Variants in EPB41L3 observed in about 807,000 individuals in gnomAD.
The protein encoded by EPB41L3 is erythrocyte membrane protein band 4.1 like 3, also known as band 4.1-like protein 3.
EPB41L3 carries 57 observed loss-of-function variants against 127.1 expected under a neutral mutation model. That is an observed-to-expected ratio of 0.45 (90% CI 0.36 to 0.56). EPB41L3 has a LOEUF of 0.56. Among genes scored for constraint, EPB41L3 ranks in the 20% least tolerant of loss-of-function variants. The pLI, the probability that EPB41L3 is intolerant of heterozygous loss-of-function variation, is 0.00. For missense variants in EPB41L3, 1,273 were observed against 1,372.2 expected, an observed-to-expected ratio of 0.93 and a Z score of 1.14; for synonymous variants, 572 against 549.5, an observed-to-expected ratio of 1.04 and a Z score of -0.57.
chr18:5,413,366 C>T (rs780233551), intron 13 of EPB41L3, among the ~76,000 whole-genome samples: 1 of 152,086 alleles, frequency 6.6e-6, no homozygotes, highest in African/African-American at 2.4e-5. Context: ...CATGACTGGT[C>T]AACAGCTTTA....
intron 1 of EPB41L3, among the ~76,000 whole-genome samples, chr18:5,536,516 A>G (rs936436520): frequency 6.9e-6 from 1 of 144,926 alleles, no homozygotes; most frequent in African/African-American, 2.6e-5. Context: ...AAAAAAAAAA[A>G]TTTGGCCTGG....
chr18:5,392,482 T>G lies in EPB41L3; in HGVS notation c.*1003A>C, dbSNP rs535934864. The G allele has an allele frequency of 6.5e-6, 1 of 152,758 alleles. No homozygotes were observed. The highest frequency in any genetic ancestry group is 1.5e-5 in the Non-Finnish European group (1 of 68,020). 9.5% of individuals were successfully genotyped at this position (152,758 alleles called of 1,614,324 possible). ...TCGTGTAATGGAGAATCTCTCTTTT[T>G]GAAGGCTATTTATAACTAACACTAA... is the stretch of plus-strand genomic sequence containing the variant. On this transcript the variant is annotated 3_prime_UTR_variant, in exon 23 of 23. Transcript: ENST00000341928.
At chr18:5,410,504 G>A in intron 14 of EPB41L3, 62 bp downstream of exon 14, 8 of 1,246,698 alleles carry the variant, frequency 6.4e-6, no homozygotes, top group East Asian at 2.3e-5. Flanking sequence ...CTTAAACACA[G>A]AGCCACCCCA....
At chr18:5,593,587 TGTC>T (rs2094507143) in intron 3 of EPB41L3, among the ~76,000 whole-genome samples, 2 of 152,222 alleles carry the variant, frequency 1.3e-5, no homozygotes, top group South Asian at 4.2e-4. Flanking sequence ...CAGGCACCAT[TGTC>T]ATTGAAAACA....
intron 3 of EPB41L3, among the ~76,000 whole-genome samples, chr18:5,597,852 A>G (rs138518864): frequency 7.6e-4 from 115 of 152,228 alleles, no homozygotes; most frequent in African/African-American, 2.7e-3. Context: ...GCTGCTCTTC[A>G]CACCACTCAA....
At chr18:5,517,332 C>T (rs2092789383) in intron 1 of EPB41L3, among the ~76,000 whole-genome samples, 1 of 152,052 alleles carries the variant, frequency 6.6e-6, no homozygotes, top group Admixed American at 6.6e-5. Context: ...ACAGAAGAAA[C>T]AATGTCAAGT....
intron 1 of EPB41L3, among the ~76,000 whole-genome samples, chr18:5,501,669 A>G (rs1000822306): frequency 6.6e-6 from 1 of 152,208 alleles, no homozygotes; most frequent in Non-Finnish European, 1.5e-5. Flanking sequence ...GAGGGAGGAA[A>G]TGGAGGACTC....
intron 1 of EPB41L3, among the ~76,000 whole-genome samples, chr18:5,528,335 C>T (rs551908922): frequency 2.6e-5 from 4 of 152,078 alleles, no homozygotes; most frequent in African/African-American, 9.6e-5. Flanking sequence ...CCACGCCTGG[C>T]TAATTTTTTT....
chr18:5,574,576 T>C (rs1447128022), intron 3 of EPB41L3, among the ~76,000 whole-genome samples: 2 of 152,038 alleles, frequency 1.3e-5, no homozygotes, highest in African/African-American at 4.8e-5. Context: ...TGCTAAACAA[T>C]GTGGTTGATG....
At chr18:5,609,143 A>G (rs1326190718) in intron 3 of EPB41L3, among the ~76,000 whole-genome samples, 3 of 152,230 alleles carry the variant, frequency 2.0e-5, no homozygotes, top group Non-Finnish European at 2.9e-5. Context: ...TGGCAGTTTC[A>G]AATTTATTGA....
intron 1 of EPB41L3, among the ~76,000 whole-genome samples, chr18:5,623,348 G>A (rs2094886442): frequency 6.6e-6 from 1 of 152,152 alleles, no homozygotes; most frequent in South Asian, 2.1e-4. Context: ...AACTCAGGAG[G>A]TTTCAGTACC....
intron 1 of EPB41L3, among the ~76,000 whole-genome samples, chr18:5,622,203 C>T (rs1044639952): frequency 6.6e-6 from 1 of 152,052 alleles, no homozygotes; most frequent in Non-Finnish European, 1.5e-5. Context: ...GAGAGTAAAA[C>T]GTGATCCATT....
At position 5,495,604 on chromosome 18, in the gene EPB41L3, TAA is replaced by T. The variant is rs397970932; in HGVS notation, c.-11-6412_-11-6411del. 4.5e-3 allele frequency among the ~76,000 whole-genome samples: 641 copies of T among 143,542 alleles called. 4 individuals are homozygous for T. The highest frequency in any genetic ancestry group is 0.016 in the African/African-American group (611 of 39,344). 94.2% of individuals were successfully genotyped at this position (143,542 alleles called of 152,430 possible). A position where few individuals can be genotyped will look rare whatever the true frequency, so the allele number is the denominator to read the frequency against. Reference sequence around the variant, plus strand: ...TCACAGGAAAGAACACTTGTCTGATTAAAAAAAAAAAAAATCACTAACTTTCA... The same window carrying T: ...TCACAGGAAAGAACACTTGTCTGATTAAAAAAAAAAAATCACTAACTTTCA... On this transcript the variant is annotated intron_variant, in intron 1 of 22. Transcript: ENST00000341928.
intron 3 of EPB41L3, among the ~76,000 whole-genome samples, chr18:5,594,492 A>G (rs1459603880): frequency 6.6e-6 from 1 of 152,234 alleles, no homozygotes; most frequent in Non-Finnish European, 1.5e-5. Context: ...ATATACGGAA[A>G]AAAATAACAT....
chr18:5,437,931 A>G (rs2080105379), intron 6 of EPB41L3, 104 bp downstream of exon 6: 1 of 967,836 alleles, frequency 1.0e-6, no homozygotes, highest in African/African-American at 1.7e-5. Context: ...TTGAGCGTGG[A>G]TGATTGTAAG....
chr18:5,395,809 A>G (rs1431807339), intron 19 of EPB41L3, 102 bp from the exon 20 acceptor site: 1 of 825,954 alleles, frequency 1.2e-6, no homozygotes. Context: ...ACTATCTCCT[A>G]TTATGCAATC....
intron 2 of EPB41L3, among the ~76,000 whole-genome samples, chr18:5,488,314 A>G (rs1038157340): frequency 6.6e-6 from 1 of 152,106 alleles, no homozygotes; most frequent in Non-Finnish European, 1.5e-5. Context: ...TAACACAGGA[A>G]CAGAAAACCA....
intron 3 of EPB41L3, among the ~76,000 whole-genome samples, chr18:5,551,886 C>T (rs576534125): frequency 6.6e-6 from 1 of 152,142 alleles, no homozygotes; most frequent in South Asian, 2.1e-4. Context: ...TATCCCAAAC[C>T]AATTAGATAA....
chr18:5,493,457 A>G (rs147084147), intron 1 of EPB41L3, among the ~76,000 whole-genome samples: 3 of 152,186 alleles, frequency 2.0e-5, no homozygotes, highest in Non-Finnish European at 2.9e-5. Flanking sequence ...CTTACTTAAC[A>G]TAAGTATTTG....
Sources: allele counts gnomAD v4.1 joint callset (sites outside exome capture counted in the v4.1 genomes callset), GRCh38; gene constraint gnomAD v4.1.1; transcripts MANE v1.5; gene names NCBI Gene and HGNC (gene_info 2026-07-23, HGNC 2026-07-21).